ARHGEF26: variants seen among roughly 807,000 people sequenced by gnomAD.
ARHGEF26 encodes the protein Rho guanine nucleotide exchange factor (GEF) 26.
ARHGEF26 carries 59 observed loss-of-function variants against 89.4 expected under a neutral mutation model. The ratio of observed to expected loss-of-function variants is 0.66; its 90% CI spans 0.54 to 0.82. The LOEUF (loss-of-function observed/expected upper bound fraction) is 0.82, where lower values mean the gene tolerates loss of function less well. Ranked by LOEUF, ARHGEF26 falls within the 40% of genes least tolerant of loss-of-function variation. The pLI, the probability that ARHGEF26 is intolerant of heterozygous loss-of-function variation, is 0.00. For missense variants in ARHGEF26, 1,234 were observed against 1,085.6 expected (o/e 1.14, Z -1.92); for synonymous variants, 500 against 428.4 (o/e 1.17, Z -2.06).
At chr3:154,148,321 T>A (rs1042793422) in intron 4 of ARHGEF26, among the ~76,000 whole-genome samples, 1 of 152,236 alleles carries the variant, frequency 6.6e-6, no homozygotes, top group African/African-American at 2.4e-5. Context: ...GTTAGTTCCT[T>A]ACTGATGGCT....
chr3:154,243,389 T>G (rs2108287812), intron 12 of ARHGEF26, among the ~76,000 whole-genome samples: 1 of 152,344 alleles, frequency 6.6e-6, no homozygotes, highest in African/African-American at 2.4e-5. Context: ...TTTTCCTGAC[T>G]GTCTCATTCA....
chr3:154,129,271 A>T (rs1484182619), intron 3 of ARHGEF26, among the ~76,000 whole-genome samples: 1 of 152,206 alleles, frequency 6.6e-6, no homozygotes. Flanking sequence ...GATGTAATTT[A>T]ACCTAAATTA....
intron 9 of ARHGEF26, among the ~76,000 whole-genome samples, chr3:154,217,201 T>G (rs1443567245): frequency 6.7e-6 from 1 of 150,020 alleles, no homozygotes; most frequent in Non-Finnish European, 1.5e-5. Flanking sequence ...CACCTGTTGT[T>G]CCCTGACTTT....
intron 10 of ARHGEF26, among the ~76,000 whole-genome samples, chr3:154,218,935 G>T (rs931697884): frequency 6.6e-6 from 1 of 152,142 alleles, no homozygotes; most frequent in Non-Finnish European, 1.5e-5. Context: ...TGACTTGCAG[G>T]TCAGTGTAAA....
chr3:154,176,840 T>C (rs1483835483), intron 6 of ARHGEF26, among the ~76,000 whole-genome samples: 1 of 152,188 alleles, frequency 6.6e-6, no homozygotes, highest in Non-Finnish European at 1.5e-5. Context: ...GATGAGGTTT[T>C]CCTACATTGC....
At chr3:154,151,730 T>G (rs1239675105) in intron 5 of ARHGEF26, among the ~76,000 whole-genome samples, 2 of 152,136 alleles carry the variant, frequency 1.3e-5, no homozygotes, top group African/African-American at 4.8e-5. Context: ...GATTAGCACT[T>G]CTAACCTGAT....
intron 6 of ARHGEF26, among the ~76,000 whole-genome samples, chr3:154,184,578 C>T (rs1430590817): frequency 6.6e-6 from 1 of 152,210 alleles, no homozygotes; most frequent in Non-Finnish European, 1.5e-5. Context: ...GAAATCTCAG[C>T]ATCTTCCTTG....
intron 12 of ARHGEF26, among the ~76,000 whole-genome samples, chr3:154,247,175 A>T (rs1717848946): frequency 6.6e-6 from 1 of 152,060 alleles, no homozygotes; most frequent in South Asian, 2.1e-4. Flanking sequence ...TTTGCCTCTC[A>T]CACCTATGAC....
chr3:154,251,625 T>C (rs1406458674), intron 12 of ARHGEF26, among the ~76,000 whole-genome samples: 1 of 152,096 alleles, frequency 6.6e-6, no homozygotes, highest in Non-Finnish European at 1.5e-5. Context: ...CAGACTGGGA[T>C]GGAGATGGAA....
intron 9 of ARHGEF26, among the ~76,000 whole-genome samples, chr3:154,213,212 A>AGG (rs1380708466): frequency 7.4e-6 from 1 of 135,636 alleles, no homozygotes; most frequent in African/African-American, 2.8e-5. Context: ...AGAGAGAGAG[A>AGG]GAGAGTGTGT....
chr3:154,226,087 C>A, intron 11 of ARHGEF26, 77 bp downstream of exon 11: 2 of 1,259,246 alleles, frequency 1.6e-6, no homozygotes, highest in South Asian at 1.9e-5. Flanking sequence ...TTAGGGTGAT[C>A]ATCCTTTAAA....
At chr3:154,209,576 T>A (rs1203809168) in intron 9 of ARHGEF26, among the ~76,000 whole-genome samples, 1 of 152,214 alleles carries the variant, frequency 6.6e-6, no homozygotes, top group African/African-American at 2.4e-5. Context: ...GAGACTCTTG[T>A]TCTCTTCCCT....
chr3:154,177,979 G>A (rs1199984880), intron 6 of ARHGEF26, among the ~76,000 whole-genome samples: 1 of 152,146 alleles, frequency 6.6e-6, no homozygotes, highest in Non-Finnish European at 1.5e-5. Context: ...GCCGAGGCAG[G>A]CAGATCACGA....
intron 9 of ARHGEF26, among the ~76,000 whole-genome samples, chr3:154,202,081 T>C (rs1275957526): frequency 6.6e-6 from 1 of 152,232 alleles, no homozygotes; most frequent in Non-Finnish European, 1.5e-5. Context: ...TCCTTGCCCA[T>C]GCCTATGTCC....
intron 9 of ARHGEF26, among the ~76,000 whole-genome samples, chr3:154,201,157 C>G (rs1487810645): frequency 6.6e-6 from 1 of 150,574 alleles, no homozygotes; most frequent in African/African-American, 2.5e-5. Context: ...TGCCCCCTCC[C>G]CCGACCCCAC....
intron 5 of ARHGEF26, among the ~76,000 whole-genome samples, chr3:154,150,547 T>G (rs1719960679): frequency 6.6e-6 from 1 of 152,210 alleles, no homozygotes; most frequent in Non-Finnish European, 1.5e-5. Context: ...TTATTCATGT[T>G]AATGCATATG....
intron 9 of ARHGEF26, among the ~76,000 whole-genome samples, chr3:154,217,055 T>C: frequency 6.6e-6 from 1 of 150,936 alleles, no homozygotes; most frequent in Non-Finnish European, 1.5e-5. Context: ...TACCCAGTAA[T>C]GGGATGGCTG....
At chr3:154,187,123 C>A in intron 6 of ARHGEF26, 1 of 476,848 alleles carries the variant, frequency 2.1e-6, no homozygotes, top group Non-Finnish European at 2.7e-6. Flanking sequence ...ATCCCTTCAA[C>A]TCATAATCCA....
chr3:154,200,369 T>A (rs1304124863), intron 9 of ARHGEF26, among the ~76,000 whole-genome samples: 1 of 152,256 alleles, frequency 6.6e-6, no homozygotes, highest in African/African-American at 2.4e-5. Context: ...GAGTTCACTG[T>A]AGGTGTGTGG....
Sources: allele counts gnomAD v4.1 joint callset (sites outside exome capture counted in the v4.1 genomes callset), GRCh38; gene constraint gnomAD v4.1.1; transcripts MANE v1.5; gene names NCBI Gene and HGNC (gene_info 2026-07-23, HGNC 2026-07-21).